The following TENM2 variants were observed in gnomAD, a reference collection of about 807,000 sequenced individuals.
The protein encoded by TENM2 is teneurin-2.
TENM2 carries 52 observed loss-of-function variants against 245.2 expected under a neutral mutation model. That is an observed-to-expected ratio of 0.21 (90% CI 0.17 to 0.27). The LOEUF (loss-of-function observed/expected upper bound fraction) is 0.27, where lower values mean the gene tolerates loss of function less well. Ranked by LOEUF, TENM2 falls within the 10% of genes least tolerant of loss-of-function variation. The probability of loss-of-function intolerance (pLI) is 1.00; values close to 1 mark genes in which losing one functional copy is unlikely to be tolerated. For missense variants in TENM2, 3,046 were observed against 3,666.8 expected (o/e 0.83, Z 4.37); for synonymous variants, 1,363 against 1,438.9 (o/e 0.95, Z 1.19).
chr5:168,229,174 A>ATTTT (rs1272449309), intron 25 of TENM2, among the ~76,000 whole-genome samples: 1 of 124,836 alleles, frequency 8.0e-6, no homozygotes, highest in African/African-American at 4.0e-5. Context: ...TACTATCTTC[A>ATTTT]TTTTTCAGAT....
chr5:167,445,084 G>T (rs1159157073), intron 2 of TENM2, among the ~76,000 whole-genome samples: 2 of 151,930 alleles, frequency 1.3e-5, no homozygotes, highest in Non-Finnish European at 2.9e-5. Flanking sequence ...AATATTACCT[G>T]CTTGTAATAG....
At chr5:168,219,025 G>A in intron 23 of TENM2, 26 bp downstream of exon 25, 1 of 1,597,340 alleles carries the variant, frequency 6.3e-7, no homozygotes. Flanking sequence ...AAGCATCTCT[G>A]AAGAGCCCTT....
chr5:167,499,545 A>G (rs187551955), intron 2 of TENM2, among the ~76,000 whole-genome samples: 5,011 of 152,274 alleles, frequency 0.033, 132 homozygotes, highest in Non-Finnish European at 0.05. Context: ...TTGTAGCTGG[A>G]TGATGGGTAC....
chr5:167,344,734 A>T (rs1252196496), intron 1 of TENM2, among the ~76,000 whole-genome samples: 2 of 152,154 alleles, frequency 1.3e-5, no homozygotes, highest in East Asian at 3.9e-4. Flanking sequence ...ACAGGGAAAG[A>T]CACCATGGAA....
chr5:167,315,128 G>A (rs1413935465), intron 1 of TENM2, among the ~76,000 whole-genome samples: 1 of 151,960 alleles, frequency 6.6e-6, no homozygotes, highest in African/African-American at 2.4e-5. Context: ...TTCTGGAAAT[G>A]AGATTACTAG....
intron 2 of TENM2, among the ~76,000 whole-genome samples, chr5:167,785,715 C>T (rs1425225807): frequency 2.6e-5 from 4 of 152,188 alleles, no homozygotes; most frequent in Admixed American, 2.6e-4. Context: ...AATAAATTTA[C>T]AAATTCAGAC....
At chr5:168,256,201 A>AAT (rs898863969) in intron 27 of TENM2, among the ~76,000 whole-genome samples, 9 of 149,048 alleles carry the variant, frequency 6.0e-5, no homozygotes, top group Non-Finnish European at 8.8e-5. Flanking sequence ...AGATATGGCA[A>AAT]ATATATATAT....
In TENM2 at chr5:167,455,960, G is replaced by A. The variant is rs1005132484; in HGVS notation, c.502+80487G>A. 3.9e-5 allele frequency among the ~76,000 whole-genome samples: 6 copies of A among 152,028 alleles called. No individual in the cohort carries two copies. In the South Asian group the frequency reaches 6.2e-4, roughly 16 times the overall value. On this transcript the variant is annotated intron_variant, in intron 2 of 28. Transcript: ENST00000518659. ...GGCACCAATTTATTGTCCTTATGAG[G>A]TTCAAAAGAGCAACAAAATCATGAA...
At chr5:167,632,885 A>G (rs1270617426) in intron 2 of TENM2, among the ~76,000 whole-genome samples, 1 of 152,194 alleles carries the variant, frequency 6.6e-6, no homozygotes, top group African/African-American at 2.4e-5. Flanking sequence ...CTTGGCAAAC[A>G]TGTTTTATTG....
chr5:167,615,488 G>T (rs967349081), intron 2 of TENM2, among the ~76,000 whole-genome samples: 1 of 152,034 alleles, frequency 6.6e-6, no homozygotes, highest in Admixed American at 6.6e-5. Flanking sequence ...GTTATTTATT[G>T]TATTTTTTAC....
intron 12 of TENM2, among the ~76,000 whole-genome samples, chr5:168,153,012 C>G (rs1286697414): frequency 6.6e-6 from 1 of 152,118 alleles, no homozygotes; most frequent in Non-Finnish European, 1.5e-5. Flanking sequence ...CACAGTGAAG[C>G]AGCAATGAAA....
intron 3 of TENM2, among the ~76,000 whole-genome samples, chr5:167,906,773 G>C (rs904245828): frequency 2.0e-5 from 3 of 151,838 alleles, no homozygotes; most frequent in African/African-American, 7.3e-5. Flanking sequence ...TCTTTTTTTA[G>C]GCTCTCTGCT....
intron 2 of TENM2, among the ~76,000 whole-genome samples, chr5:167,440,187 A>G (rs1037213330): frequency 1.3e-5 from 2 of 152,202 alleles, no homozygotes; most frequent in Non-Finnish European, 2.9e-5. Flanking sequence ...CATGTCTCTT[A>G]AATAATATAT....
At chr5:167,557,291 G>C (rs1276125084) in intron 2 of TENM2, among the ~76,000 whole-genome samples, 1 of 152,278 alleles carries the variant, frequency 6.6e-6, no homozygotes, top group East Asian at 1.9e-4. Context: ...CATCACGATT[G>C]TCACCATGAT....
chr5:167,526,445 G>A (rs1428471788), intron 2 of TENM2, among the ~76,000 whole-genome samples: 1 of 151,400 alleles, frequency 6.6e-6, no homozygotes, highest in Non-Finnish European at 1.5e-5. Context: ...GGGGTAATGA[G>A]AATACATGGT....
At chr5:167,649,124 C>G (rs1169991995) in intron 2 of TENM2, among the ~76,000 whole-genome samples, 2 of 152,248 alleles carry the variant, frequency 1.3e-5, no homozygotes, top group East Asian at 3.9e-4. Context: ...TTGAAACCAC[C>G]ACCTCTCTTT....
intron 2 of TENM2, among the ~76,000 whole-genome samples, chr5:167,858,561 C>T (rs1771303409): frequency 6.6e-6 from 1 of 152,072 alleles, no homozygotes; most frequent in South Asian, 2.1e-4. Context: ...GAAGGCGCCG[C>T]GGGCTGGGGT....
chr5:167,339,110 T>C (rs1216355683), intron 1 of TENM2, among the ~76,000 whole-genome samples: 1 of 152,120 alleles, frequency 6.6e-6, no homozygotes, highest in African/African-American at 2.4e-5. Flanking sequence ...GTTCCAAAAG[T>C]CTTAACTCAT....
At chr5:167,464,076 G>C (rs1172837175) in intron 2 of TENM2, among the ~76,000 whole-genome samples, 1 of 152,164 alleles carries the variant, frequency 6.6e-6, no homozygotes, top group African/African-American at 2.4e-5. Flanking sequence ...GGGAACCAGA[G>C]CTGCCTCAGG....
Sources: allele counts gnomAD v4.1 joint callset (sites outside exome capture counted in the v4.1 genomes callset), GRCh38; gene constraint gnomAD v4.1.1; transcripts MANE v1.5; gene names NCBI Gene and HGNC (gene_info 2026-07-23, HGNC 2026-07-21).